CTDSP2: variants seen among roughly 807,000 people sequenced by gnomAD.
CTDSP2 encodes the protein carboxy-terminal domain RNA polymerase II polypeptide A small phosphatase 2.
In CTDSP2, 9 loss-of-function variants were observed where a neutral mutation model predicts 31.6. That is an observed-to-expected ratio of 0.28 (90% CI 0.17 to 0.50). The LOEUF (loss-of-function observed/expected upper bound fraction) is 0.50. Among genes scored for constraint, CTDSP2 ranks in the 20% least tolerant of loss-of-function variants. CTDSP2 has a pLI of 0.98. For missense variants in CTDSP2, 267 were observed against 348.5 expected, an observed-to-expected ratio of 0.77 and a Z score of 1.86; for synonymous variants, 134 against 134.5, an observed-to-expected ratio of 1.00 and a Z score of 0.03.
chr12:57,829,069 G>A (rs922176434), intron 2 of CTDSP2, among the ~76,000 whole-genome samples: 1 of 152,200 alleles, frequency 6.6e-6, no homozygotes, highest in Non-Finnish European at 1.5e-5. Flanking sequence ...TATTAACCAT[G>A]AACTCTTCAG....
chr12:57,841,869 G>A (rs1956284665), intron 1 of CTDSP2, among the ~76,000 whole-genome samples: 2 of 152,170 alleles, frequency 1.3e-5, no homozygotes, highest in South Asian at 4.1e-4. Flanking sequence ...TAATAGAAGG[G>A]TAGATATCAT....
rs564134583 is a variant in CTDSP2 at position 57,825,135 on chromosome 12, G to T, written c.412-816C>A. Among the ~76,000 whole-genome samples, 3 of 152,254 alleles carry T rather than the reference G, an allele frequency of 2.0e-5. No individual in the cohort carries two copies. In the East Asian group the frequency reaches 5.8e-4, roughly 29 times the overall value. Reference sequence around the variant, plus strand: ...CTCCCAGAGTGTTGGGATGACAGGTGTAAGCCACGGCACCTGACTCCCAAA... The same window carrying T: ...CTCCCAGAGTGTTGGGATGACAGGTTTAAGCCACGGCACCTGACTCCCAAA... On this transcript the variant is annotated intron_variant, in intron 5 of 7. Coordinates refer to ENST00000398073, the MANE Select transcript of CTDSP2 (RefSeq NM_005730.4).
intron 1 of CTDSP2, among the ~76,000 whole-genome samples, chr12:57,830,654 C>T (rs1449167345): frequency 1.1e-4 from 16 of 152,238 alleles, no homozygotes. Flanking sequence ...TTCGCAGCCT[C>T]AGGTTCTAGG....
chr12:57,824,811 C>T (rs1956172879), intron 5 of CTDSP2: 3 of 387,566 alleles, frequency 7.7e-6, no homozygotes, highest in Non-Finnish European at 1.6e-5. Context: ...ACTAGACAGA[C>T]ACCCTGCCGA....
At position 57,821,568 on chromosome 12, in the gene CTDSP2, T is replaced by C. The variant is rs902662511; in HGVS notation, c.*2034A>G. ...TTTGGCCAAGGGCTAACCCTTAGGG[T>C]GGGGCTTGGAAGAGAGGCCCCTCCT... On this transcript the variant is annotated 3_prime_UTR_variant, in exon 8 of 8. Coordinates refer to ENST00000398073, the MANE Select transcript of CTDSP2 (RefSeq NM_005730.4). 6.6e-6 allele frequency: 1 copy of C among 152,544 alleles called. No homozygotes were observed. The highest frequency in any genetic ancestry group is 6.5e-5 in the Admixed American group (1 of 15,288). 9.4% of individuals were successfully genotyped at this position (152,544 alleles called of 1,614,324 possible).
chr12:57,823,792 C>T, intron 7 of CTDSP2, 65 bp from the exon 8 acceptor site: 2 of 1,611,094 alleles, frequency 1.2e-6, no homozygotes, highest in South Asian at 2.2e-5. Flanking sequence ...GCCCCAGAGC[C>T]CTAGAGGGTG....
At chr12:57,827,471 A>C in intron 3 of CTDSP2, 81 bp downstream of exon 3, 2 of 1,484,114 alleles carry the variant, frequency 1.3e-6, no homozygotes. Flanking sequence ...ACCAAGGACT[A>C]TGCACATCAC....
intron 1 of CTDSP2, among the ~76,000 whole-genome samples, chr12:57,834,400 T>C (rs1459610872): frequency 1.3e-5 from 2 of 152,156 alleles, no homozygotes; most frequent in Non-Finnish European, 2.9e-5. Context: ...CAGGTTTTCT[T>C]GGGCAGGATG....
At position 57,846,248 on chromosome 12, in the gene CTDSP2, G is replaced by C. The variant is rs1042312350; in HGVS notation, c.64+124C>G. 2.1e-5 allele frequency: 17 copies of C among 816,044 alleles called. No individual in the cohort carries two copies. In the African/African-American group the frequency reaches 2.9e-4, roughly 14 times the overall value. The allele number at this position is 816,044 out of a possible 1,614,324, so 50.6% of individuals were successfully genotyped here. ...GGATGCGGGGGCGGATGGACCGGAGGGGTCCAGTCGGGATCGCTGGCTCTA... is the reference window on the plus strand; with the variant it reads ...GGATGCGGGGGCGGATGGACCGGAGCGGTCCAGTCGGGATCGCTGGCTCTA... On this transcript the variant is annotated intron_variant, in intron 1 of 7. Transcript: ENST00000398073.
Position 57,820,544 on chromosome 12 carries a change from A to C in CTDSP2, c.*3058T>G, listed in dbSNP as rs1430216976. 6.6e-6 allele frequency: 1 copy of C among 152,620 alleles called. No individual in the cohort carries two copies. Among genetic ancestry groups the C allele is most frequent in the African/African-American group, 2.4e-5 (1 of 41,468 alleles). The allele number at this position is 152,620 out of a possible 1,614,324, so 9.5% of individuals were successfully genotyped here. On this transcript the variant is annotated 3_prime_UTR_variant, in exon 8 of 8. Coordinates refer to ENST00000398073, the MANE Select transcript of CTDSP2 (RefSeq NM_005730.4). The stretch of plus-strand genomic sequence containing the variant: ...AGAATAGCATCCATTTCCCAGAGAA[A>C]GACTGCCTTTACATTTCCCATGCTT...
At chr12:57,844,889 C>A (rs1956304674) in intron 1 of CTDSP2, among the ~76,000 whole-genome samples, 1 of 151,908 alleles carries the variant, frequency 6.6e-6, no homozygotes, top group Non-Finnish European at 1.5e-5. Flanking sequence ...GAGGAACACA[C>A]TGCCTCCCTC....
At chr12:57,834,587 G>T (rs1414625661) in intron 1 of CTDSP2, among the ~76,000 whole-genome samples, 2 of 152,216 alleles carry the variant, frequency 1.3e-5, no homozygotes, top group East Asian at 3.8e-4. Context: ...GACCTGCATT[G>T]TTCCTTGGTT....
chr12:57,824,615 C>A, intron 5 of CTDSP2: 1 of 596,684 alleles, frequency 1.7e-6, no homozygotes, highest in Non-Finnish European at 3.3e-6. Context: ...CATCAGCTGC[C>A]TCCAGAAACA....
intron 1 of CTDSP2, chr12:57,842,407 T>C (rs1956287790): frequency 1.3e-5 from 2 of 152,138 alleles, no homozygotes. Flanking sequence ...ACCTCTACGG[T>C]TGAGAAGAGA....
In CTDSP2 at chr12:57,821,351, C is replaced by T. The variant is rs761948766; in HGVS notation, c.*2251G>A. The T allele has an allele frequency of 3.3e-5, 5 of 152,424 alleles. No homozygotes were observed. The highest frequency in any genetic ancestry group is 6.5e-5 in the Admixed American group (1 of 15,270). The allele number at this position is 152,424 out of a possible 1,614,324, so 9.4% of individuals were successfully genotyped here. On this transcript the variant is annotated 3_prime_UTR_variant, in exon 8 of 8. Transcript: ENST00000398073. ...GACACTCCCACCAAGCCATCCTGGG[C>T]TTTGGTCATGGGTCCCACGCCAAGC...
At position 57,823,585 on chromosome 12, in the gene CTDSP2, C is replaced by T; in HGVS notation, c.*17G>A. 2 of 1,613,298 alleles carry T rather than the reference C, an allele frequency of 1.2e-6. No individual in the cohort carries two copies. The highest frequency in any genetic ancestry group is 8.5e-7 in the Non-Finnish European group (1 of 1,179,836). On this transcript the variant is annotated 3_prime_UTR_variant, in exon 8 of 8. Coordinates refer to ENST00000398073, the MANE Select transcript of CTDSP2 (RefSeq NM_005730.4). ...AAGTCCCCTACTGGGATGGCCGTCG[C>T]TTGGAAGCAGGGCAGGCTAAGGGGC... is the stretch of plus-strand genomic sequence containing the variant.
chr12:57,843,186 G>C (rs1403591943), intron 1 of CTDSP2, among the ~76,000 whole-genome samples: 1 of 152,152 alleles, frequency 6.6e-6, no homozygotes, highest in African/African-American at 2.4e-5. Context: ...TTTCACGTTG[G>C]GAGGTTACAG....
intron 5 of CTDSP2, among the ~76,000 whole-genome samples, chr12:57,825,121 T>C (rs893481124): frequency 6.6e-6 from 1 of 152,144 alleles, no homozygotes. Context: ...TCCCAGAGTG[T>C]TGGGATGACA....
intron 1 of CTDSP2, among the ~76,000 whole-genome samples, chr12:57,831,103 T>TAA (rs11309444): frequency 0.023 from 2,850 of 121,588 alleles, 95 homozygotes; most frequent in African/African-American, 0.083. Context: ...GCCAAGCAGA[T>TAA]AAAAAAAAAA....
Sources: gnomAD v4.1 joint callset for allele counts (sites outside exome capture counted in the v4.1 genomes callset) on GRCh38, gnomAD v4.1.1 for gene constraint, MANE v1.5 for transcripts, NCBI Gene and HGNC (gene_info 2026-07-23, HGNC 2026-07-21) for gene names.